Variants in EXTL3 observed in about 807,000 individuals in gnomAD.
EXTL3 encodes exostosin-like 3.
A neutral mutation model predicts 69.3 loss-of-function variants in EXTL3; 27 were observed. The ratio of observed to expected loss-of-function variants is 0.39; its 90% CI spans 0.29 to 0.54. The LOEUF is 0.54. EXTL3 is among the 20% of genes least tolerant of loss of function. The probability of loss-of-function intolerance (pLI) is 0.69; values close to 1 mark genes in which losing one functional copy is unlikely to be tolerated. For missense variants in EXTL3, 1,003 were observed against 1,231.8 expected (o/e 0.81, Z 2.78); for synonymous variants, 511 against 499.4 (o/e 1.02, Z -0.31).
intron 1 of EXTL3, among the ~76,000 whole-genome samples, chr8:28,709,717 G>A (rs901649524): frequency 6.6e-5 from 10 of 152,310 alleles, no homozygotes; most frequent in East Asian, 3.9e-4. Context: ...TCTGTAGGAT[G>A]GTTGTTATAT....
intron 3 of EXTL3, among the ~76,000 whole-genome samples, chr8:28,727,187 T>G (rs1286767710): frequency 1.3e-5 from 2 of 152,112 alleles, no homozygotes; most frequent in African/African-American, 4.8e-5. Context: ...TGCCTGGCCC[T>G]TTTATTCTGA....
chr8:28,675,705 C>T (rs776037802), intron 1 of EXTL3, among the ~76,000 whole-genome samples: 19 of 152,240 alleles, frequency 1.2e-4, no homozygotes, highest in East Asian at 3.9e-4. Context: ...CTCCATTTAG[C>T]GTTGCAGCTT....
intron 3 of EXTL3, among the ~76,000 whole-genome samples, chr8:28,727,626 A>G (rs1396806774): frequency 1.3e-5 from 2 of 152,208 alleles, no homozygotes; most frequent in African/African-American, 2.4e-5. Context: ...TTTTGCAAAC[A>G]GTGTGGTGCT....
chr8:28,638,994 A>G (rs1049468262), intron 1 of EXTL3, among the ~76,000 whole-genome samples: 1 of 146,666 alleles, frequency 6.8e-6, no homozygotes, highest in South Asian at 2.2e-4. Flanking sequence ...CTGCAGTGCA[A>G]TGGTGTGTTC....
chr8:28,626,265 G>T (rs550141479), intron 1 of EXTL3, among the ~76,000 whole-genome samples: 50 of 152,010 alleles, frequency 3.3e-4, no homozygotes, highest in African/African-American at 1.2e-3. Flanking sequence ...TAAGACTAAA[G>T]AAAGAGGACG....
intron 1 of EXTL3, among the ~76,000 whole-genome samples, chr8:28,694,559 C>A (rs1174006918): frequency 6.6e-6 from 1 of 152,202 alleles, no homozygotes; most frequent in Admixed American, 6.5e-5. Context: ...AAACCTGGCA[C>A]CACCACTTAC....
rs1296139604 is a variant in EXTL3, at chr8:28,636,175, C to CA, written c.-53+13372dup. On this transcript the variant is annotated intron_variant, in intron 1 of 6. Coordinates refer to the EXTL3 transcript ENST00000523149. ...GTGAAACCCTGTCTCTACTAAAATA[C>CA]AAAAAAATTAGCTGGGTGTGGTGGT... Among the ~76,000 whole-genome samples the CA allele has an allele frequency of 2.6e-5, 4 of 151,652 alleles. No individual in the cohort carries two copies. In the East Asian group the frequency reaches 5.8e-4, roughly 22 times the overall value.
At chr8:28,695,996 C>T (rs1324714144) in intron 1 of EXTL3, among the ~76,000 whole-genome samples, 2 of 152,102 alleles carry the variant, frequency 1.3e-5, no homozygotes, top group Non-Finnish European at 1.5e-5. Flanking sequence ...CGGCTCACTG[C>T]AGCCTCAACC....
At chr8:28,683,890 AT>A (rs1172722367) in intron 1 of EXTL3, among the ~76,000 whole-genome samples, 1 of 151,732 alleles carries the variant, frequency 6.6e-6, no homozygotes, top group African/African-American at 2.4e-5. Flanking sequence ...TTCTAACTAT[AT>A]TTTTGTGCCC....
intron 4 of EXTL3, among the ~76,000 whole-genome samples, chr8:28,732,989 C>G (rs547445500): frequency 1.3e-5 from 2 of 152,362 alleles, no homozygotes; most frequent in South Asian, 4.1e-4. Context: ...GCCTCGGCCT[C>G]CCAGAGTGCT....
At chr8:28,690,358 A>T (rs1800595051) in intron 1 of EXTL3, among the ~76,000 whole-genome samples, 1 of 152,056 alleles carries the variant, frequency 6.6e-6, no homozygotes, top group Admixed American at 6.6e-5. Flanking sequence ...GATTATAAGC[A>T]CATGGCACCA....
Position 28,743,181 on chromosome 8 carries a change from T to C in EXTL3, c.2517T>C (p.Leu839=). Residue 839 remains leucine (L), a synonymous_variant, in exon 6 of 7, where the codon CTT becomes CTC. Transcript: ENST00000220562. ...GTGAGGACATTGCCATGAACTTCCT[T>C]GTCTCCCACATCACTCGGAAGCCCC... ...INCEDIAMNF[L]VSHITRKPPI... 6.2e-7 allele frequency: 1 copy of C among 1,614,236 alleles called. No homozygotes were observed. Among genetic ancestry groups the C allele is most frequent in the South Asian group, 1.1e-5 (1 of 91,086 alleles).
chr8:28,722,592 A>G lies in EXTL3; in HGVS notation c.2148+4385A>G, dbSNP rs531137801. On this transcript the variant is annotated intron_variant, in intron 3 of 6. Coordinates refer to ENST00000220562, the MANE Select transcript of EXTL3 (RefSeq NM_001440.4). The stretch of plus-strand genomic sequence containing the variant: ...GGGGTTTGAGACCAGCCTGGGCAAC[A>G]TAGGGAGACCCCATCTCTACAAAAA... Among the ~76,000 whole-genome samples the G allele has an allele frequency of 2.0e-4, 31 of 152,130 alleles. 1 individual carries two copies. The South Asian group carries it at 6.4e-3, about 32-fold the overall frequency.
At chr8:28,672,462 T>G (rs1317725997) in intron 1 of EXTL3, among the ~76,000 whole-genome samples, 2 of 152,048 alleles carry the variant, frequency 1.3e-5, no homozygotes, top group Non-Finnish European at 2.9e-5. Context: ...AATATGGTTT[T>G]ATTAAGGGAG....
intron 1 of EXTL3, among the ~76,000 whole-genome samples, chr8:28,709,799 G>A (rs545361846): frequency 6.6e-6 from 1 of 152,160 alleles, no homozygotes; most frequent in East Asian, 1.9e-4. Context: ...TGTGATAAGG[G>A]ATGTGAGAGG....
chr8:28,624,825 G>A (rs1388664567), intron 1 of EXTL3, among the ~76,000 whole-genome samples: 3 of 152,138 alleles, frequency 2.0e-5, no homozygotes. Context: ...GCAAACATCA[G>A]TAAACCCAAA....
intron 6 of EXTL3, among the ~76,000 whole-genome samples, chr8:28,745,857 C>G (rs1801878154): frequency 6.6e-6 from 1 of 152,162 alleles, no homozygotes; most frequent in African/African-American, 2.4e-5. Flanking sequence ...ATGATTCTTA[C>G]CAAGTGAAAA....
At chr8:28,620,016 G>T (rs1326021735), upstream of EXTL3, among the ~76,000 whole-genome samples, 1 of 151,458 alleles carries the variant, frequency 6.6e-6, no homozygotes, top group African/African-American at 2.4e-5. Flanking sequence ...GACTACAGGC[G>T]CCTGCCACCA....
intron 3 of EXTL3, among the ~76,000 whole-genome samples, chr8:28,722,427 A>T (rs1801310494): frequency 6.6e-6 from 1 of 152,178 alleles, no homozygotes; most frequent in Admixed American, 6.5e-5. Context: ...ATCCTTGCAG[A>T]CTGCAAGGTC....
Sources: allele counts gnomAD v4.1 joint callset (sites outside exome capture counted in the v4.1 genomes callset), GRCh38; gene constraint gnomAD v4.1.1; transcripts MANE v1.5; gene names NCBI Gene and HGNC (gene_info 2026-07-23, HGNC 2026-07-21).